LYSMD4: variants seen among roughly 807,000 people sequenced by gnomAD.
LYSMD4 encodes the protein lysM and putative peptidoglycan-binding domain-containing protein 4.
LYSMD4 carries 9 observed loss-of-function variants against 6.1 expected under a neutral mutation model. The ratio of observed to expected loss-of-function variants is 1.47; its 90% CI spans 0.88 to 2.56. The LOEUF (loss-of-function observed/expected upper bound fraction) is 2.56, where lower values mean the gene tolerates loss of function less well. LYSMD4 is among the 30% of genes most tolerant of loss of function. LYSMD4 has a pLI of 0.00. For synonymous variants in LYSMD4, 143 were observed against 148.5 expected, an observed-to-expected ratio of 0.96 and a Z score of 0.27; for missense variants, 384 against 373.5, an observed-to-expected ratio of 1.03 and a Z score of -0.23.
upstream of LYSMD4, among the ~76,000 whole-genome samples, chr15:99,720,097 CTT>C (rs1257665760): frequency 4.6e-5 from 7 of 152,056 alleles, no homozygotes; most frequent in Non-Finnish European, 8.8e-5. Flanking sequence ...CTATGAATAA[CTT>C]TTTTGTGGTA....
chr15:99,726,153 T>TTTG (rs1555507913), downstream of LYSMD4, among the ~76,000 whole-genome samples: 1 of 133,970 alleles, frequency 7.5e-6, no homozygotes, highest in East Asian at 2.2e-4. Flanking sequence ...GTGGTTTTTT[T>TTTG]TTTTTTTTTT....
chr15:99,724,203 T>C (rs2059259647), downstream of LYSMD4, among the ~76,000 whole-genome samples: 1 of 149,152 alleles, frequency 6.7e-6, no homozygotes, highest in Non-Finnish European at 1.5e-5. Flanking sequence ...TATATTTCCC[T>C]CTGTGGGCCA....
chr15:99,725,211 T>C (rs2059268360), downstream of LYSMD4, among the ~76,000 whole-genome samples: 1 of 152,184 alleles, frequency 6.6e-6, no homozygotes, highest in African/African-American at 2.4e-5. Context: ...CATAATGTCC[T>C]CTAGAATGTG....
Position 99,731,835 on chromosome 15 carries a change from G to A in LYSMD4, c.165C>T (p.Arg55=), listed in dbSNP as rs1293743844. 2.5e-6 allele frequency: 4 copies of A among 1,613,098 alleles called. No homozygotes were observed. The highest frequency in any genetic ancestry group is 3.3e-5 in the Admixed American group (2 of 60,032). Residue 55 remains arginine, a synonymous_variant, in exon 2 of 3, where the codon CGC becomes CGT. Transcript: ENST00000684762. ...RVVLRPRGKE[R]HKSGVHQPPQ... The stretch of plus-strand genomic sequence containing the variant: ...GAGGCTGGTGGACACCGCTCTTGTG[G>A]CGCTCCTTGCCCCGGGGCCGCAAAA...
At chr15:99,722,770 C>G (rs929459331), downstream of LYSMD4, among the ~76,000 whole-genome samples, 6 of 152,176 alleles carry the variant, frequency 3.9e-5, no homozygotes, top group Admixed American at 2.0e-4. Context: ...CCCAACGGCT[C>G]ATGCCTCTAA....
In LYSMD4 at chr15:99,732,129, T is replaced by A. The variant is rs1316241943; in HGVS notation, c.-8-122A>T. On this transcript the variant is annotated intron_variant, in intron 1 of 2. Transcript: ENST00000684762. ...TCCTAATCGCTGCAAATACTCAGCA[T>A]ACATCATCAACAGAAAAAAAAGAAT... The A allele has an allele frequency of 4.8e-6, 5 of 1,043,566 alleles. No homozygotes were observed. The Admixed American group carries it at 1.5e-4, about 31-fold the overall frequency. 64.6% of individuals were successfully genotyped at this position (1,043,566 alleles called of 1,614,324 possible). A position where few individuals can be genotyped will look rare whatever the true frequency, so the allele number is the denominator to read the frequency against.
At chr15:99,718,440 G>T (rs2059210812), upstream of LYSMD4, among the ~76,000 whole-genome samples, 1 of 152,180 alleles carries the variant, frequency 6.6e-6, no homozygotes, top group South Asian at 2.1e-4. Context: ...AGACTGCAGG[G>T]TTATATTTTC....
At position 99,731,726 on chromosome 15, in the gene LYSMD4, C is replaced by T. The variant is rs1256007354; in HGVS notation, c.274G>A (p.Gly92Ser). ...CCTGAGGGGTGTCTTACTTTGCAGC[C>T]ATACTGCAGCGCCAGCTTGTTGAGG... ...DSLNKLALQY[G>S]CKVADIKKVN... Residue 92 changes from glycine (G) to serine (S), a missense_variant, in exon 2 of 3, where the codon GGC (glycine) becomes AGC (serine). Gly to Ser is a moderately conservative substitution (Grantham distance 56). Coordinates refer to ENST00000684762, the MANE Select transcript of LYSMD4 (RefSeq NM_001284417.2). 6 of 1,593,774 alleles carry T rather than the reference C, an allele frequency of 3.8e-6. No homozygotes were observed. Among genetic ancestry groups the T allele is most frequent in the East Asian group, 4.5e-5 (2 of 44,630 alleles).
chr15:99,731,780 G>C lies in LYSMD4; in HGVS notation c.220C>G (p.Leu74Val). 1 of 1,611,170 alleles carries C rather than the reference G, an allele frequency of 6.2e-7. No homozygotes were observed. Among genetic ancestry groups the C allele is most frequent in the East Asian group, 2.2e-5 (1 of 44,868 alleles). The change falls in exon 2 of 3, where the codon CTG (leucine) becomes GTG (valine). Residue 74 changes from leucine (L) to valine (V), a missense_variant. Physicochemically the swap from Leu to Val is conservative, Grantham distance 32. Coordinates refer to ENST00000684762, the MANE Select transcript of LYSMD4 (RefSeq NM_001284417.2). ...TCCTCCTGGGCCAGCTCCCGCTGCA[G>C]CAGCACCACGTCACCTGCTCCCGCC... ...PQAGAGDVVLLQRELAQEDSL... is the reference protein window; with the variant it reads ...PQAGAGDVVLVQRELAQEDSL...
chr15:99,731,629 TAAG>T, intron 2 of LYSMD4, 86 bp downstream of exon 2: 2 of 1,522,958 alleles, frequency 1.3e-6, no homozygotes, highest in South Asian at 1.3e-5. Context: ...CTGGCAGGGT[TAAG>T]AAGGGCGGCA....
intron 2 of LYSMD4, 174 bp downstream of exon 2, chr15:99,731,544 G>A (rs945362876): frequency 3.9e-6 from 6 of 1,542,536 alleles, no homozygotes; most frequent in African/African-American, 2.8e-5. Flanking sequence ...GGGAACTAAA[G>A]GTACTCCCAC....
At chr15:99,722,748 C>CGTT (rs1240763040), downstream of LYSMD4, among the ~76,000 whole-genome samples, 1 of 152,130 alleles carries the variant, frequency 6.6e-6, no homozygotes, top group African/African-American at 2.4e-5. Context: ...GTAAAAGATG[C>CGTT]GTTGGGCCAG....
In LYSMD4 at chr15:99,727,729, AAGG is replaced by A. The variant is rs1342605200; in HGVS notation, c.*1391_*1393del. On this transcript the variant is annotated 3_prime_UTR_variant, in exon 3 of 3. Transcript: ENST00000684762. ...GCCAGCTGTTTTTTCACACAACTGA[AAGG>A]AGAGAAATCGGAAATCACTCTTACA... The A allele has an allele frequency of 6.6e-6, 1 of 152,246 alleles. No individual in the cohort carries two copies. Among genetic ancestry groups the A allele is most frequent in the Admixed American group, 6.5e-5 (1 of 15,286 alleles). The allele number at this position is 152,246 out of a possible 1,614,324, so 9.4% of individuals were successfully genotyped here.
downstream of LYSMD4, among the ~76,000 whole-genome samples, chr15:99,725,430 CT>C (rs1448641114): frequency 1.3e-5 from 2 of 152,148 alleles, no homozygotes; most frequent in East Asian, 3.9e-4. Flanking sequence ...AGCTCGGAGC[CT>C]TTGCGGCCTC....
chr15:99,716,899 G>A, exon 1 of LYSMD4: 2 of 343,952 alleles, frequency 5.8e-6, no homozygotes, highest in South Asian at 4.4e-5. Flanking sequence ...TAAAGTCTAG[G>A]GTGTGAAATG....
In LYSMD4 at chr15:99,728,811, G is replaced by C; in HGVS notation, c.*312C>G. The C allele has an allele frequency of 2.8e-6, 1 of 355,480 alleles. No homozygotes were observed. The highest frequency in any genetic ancestry group is 3.8e-5 in the South Asian group (1 of 26,190). The allele number at this position is 355,480 out of a possible 1,614,324, so 22.0% of individuals were successfully genotyped here. On this transcript the variant is annotated 3_prime_UTR_variant, in exon 3 of 3. Coordinates refer to ENST00000684762, the MANE Select transcript of LYSMD4 (RefSeq NM_001284417.2). ...ACAGAGGCCATAAATCTTTCCCTCC[G>C]AGCACGTCCAACTTGGGGGTCCTCA... is the stretch of plus-strand genomic sequence containing the variant.
Position 99,729,148 on chromosome 15 carries a change from C to T in LYSMD4, c.866G>A (p.Ser289Asn), listed in dbSNP as rs755305352. The T allele has an allele frequency of 2.6e-5, 42 of 1,613,710 alleles. No homozygotes were observed. The highest frequency in any genetic ancestry group is 3.3e-5 in the Admixed American group (2 of 59,996). ...TTAGCTCCCCGCTTGGGTGGTCTGA[C>T]TGAACTGGCTGTCTGCAGAAGTGAC... ...PAVTSADSQF[S>N]QTTQAGS is the part of the protein sequence containing the mutation. The change falls in exon 3 of 3, where the codon AGT becomes AAT. Residue 289 changes from serine to asparagine, a missense_variant. Physicochemically the swap from Ser to Asn is conservative, Grantham distance 46 (BLOSUM62 1). Coordinates refer to ENST00000684762, the MANE Select transcript of LYSMD4 (RefSeq NM_001284417.2).
At chr15:99,724,751 GGT>G (rs143610657), downstream of LYSMD4, among the ~76,000 whole-genome samples, 614 of 152,328 alleles carry the variant, frequency 4.0e-3, 8 homozygotes, top group East Asian at 0.044. Flanking sequence ...GTTTTCCAAA[GGT>G]GTGAGAAAGT....
At chr15:99,717,431 C>A (rs1319572114) in exon 1 of LYSMD4, 1 of 152,232 alleles carries the variant, frequency 6.6e-6, no homozygotes, top group East Asian at 1.9e-4. Context: ...TGCTCACAAG[C>A]AGCCCGAGGA....
Sources: allele counts gnomAD v4.1 joint callset (sites outside exome capture counted in the v4.1 genomes callset), GRCh38; gene constraint gnomAD v4.1.1; transcripts MANE v1.5; gene names NCBI Gene and HGNC (gene_info 2026-07-23, HGNC 2026-07-21).